Variants in SEC24D observed in about 807,000 individuals in gnomAD.
SEC24D encodes SEC24 homolog D, COPII component.
In SEC24D, 69 loss-of-function variants were observed where a neutral mutation model predicts 116.9. The ratio of observed to expected loss-of-function variants is 0.59; its 90% CI spans 0.49 to 0.72. The LOEUF (loss-of-function observed/expected upper bound fraction) is 0.72. SEC24D is among the 30% of genes least tolerant of loss of function. The pLI, the probability that SEC24D is intolerant of heterozygous loss-of-function variation, is 0.00. For synonymous variants in SEC24D, 405 were observed against 442.8 expected (o/e 0.91, Z 1.07); for missense variants, 1,131 against 1,264.1 (o/e 0.89, Z 1.60).
chr4:118,811,351 G>A (rs1051463773), intron 6 of SEC24D, among the ~76,000 whole-genome samples: 1 of 152,242 alleles, frequency 6.6e-6, no homozygotes. Context: ...TCAAAGAAGT[G>A]CAGATGATGC....
chr4:118,751,176 C>CTTTTGTTTTTTTTTTTT (rs1726808711), intron 13 of SEC24D, among the ~76,000 whole-genome samples: 1 of 100,326 alleles, frequency 1.0e-5, no homozygotes, highest in Non-Finnish European at 2.0e-5. Context: ...AGAGTGAGGG[C>CTTTTGTTTTTTTTTTTT]TTTTTTTTTT....
At chr4:118,735,083 AGTTCAGAAAT>A (rs1350505572) in intron 19 of SEC24D, among the ~76,000 whole-genome samples, 2 of 152,186 alleles carry the variant, frequency 1.3e-5, no homozygotes, top group African/African-American at 4.8e-5. Flanking sequence ...TCATATTAAG[AGTTCAGAAAT>A]CTGTGATCCT....
chr4:118,790,984 A>ACAGTATT (rs1258230049), intron 8 of SEC24D, among the ~76,000 whole-genome samples: 1 of 151,672 alleles, frequency 6.6e-6, no homozygotes, highest in Middle Eastern at 3.4e-3. Context: ...ACATAGAATA[A>ACAGTATT]CAGTATTCAA....
chr4:118,745,364 G>A (rs924607081), intron 13 of SEC24D, among the ~76,000 whole-genome samples: 7 of 152,288 alleles, frequency 4.6e-5, no homozygotes, highest in African/African-American at 9.6e-5. Flanking sequence ...GTGTTACGAC[G>A]AAATACTTTC....
intron 22 of SEC24D, among the ~76,000 whole-genome samples, 180 bp downstream of exon 22, chr4:118,728,381 G>T (rs1022514915): frequency 6.6e-6 from 1 of 152,124 alleles, no homozygotes; most frequent in East Asian, 1.9e-4. Context: ...TTTGTGACTG[G>T]TAAGTAGGTA....
intron 8 of SEC24D, among the ~76,000 whole-genome samples, chr4:118,793,466 C>CAAAAAAA (rs70944815): frequency 2.9e-5 from 2 of 69,290 alleles, no homozygotes; most frequent in African/African-American, 6.2e-5. Context: ...GACTCCGTCT[C>CAAAAAAA]AAAAAAAAAA....
At chr4:118,756,625 T>C (rs1727111768) in intron 11 of SEC24D, among the ~76,000 whole-genome samples, 1 of 152,018 alleles carries the variant, frequency 6.6e-6, no homozygotes, top group African/African-American at 2.4e-5. Flanking sequence ...AAACATCCTT[T>C]TCCAGAACAA....
chr4:118,828,464 G>A (rs749061598), intron 2 of SEC24D, among the ~76,000 whole-genome samples: 1 of 152,122 alleles, frequency 6.6e-6, no homozygotes, highest in Non-Finnish European at 1.5e-5. Flanking sequence ...AAGCAAGGGC[G>A]ATTTTGCCCC....
intron 2 of SEC24D, chr4:118,825,374 G>C (rs925122267): frequency 8.8e-6 from 3 of 340,370 alleles, no homozygotes; most frequent in African/African-American, 6.4e-5. Context: ...GGGACCACAT[G>C]CAGTTAACGG....
intron 5 of SEC24D, 90 bp downstream of exon 5, chr4:118,815,361 G>A (rs181849329): frequency 2.3e-4 from 339 of 1,483,182 alleles, no homozygotes; most frequent in Admixed American, 3.3e-4. Flanking sequence ...GTAAGTGACA[G>A]ATACCTAGTA....
At chr4:118,779,725 T>A (rs1223011806) in intron 8 of SEC24D, among the ~76,000 whole-genome samples, 2 of 152,226 alleles carry the variant, frequency 1.3e-5, no homozygotes, top group African/African-American at 4.8e-5. Context: ...TGTGAATCCA[T>A]CTGGTCCTGG....
chr4:118,764,691 TACCACC>T (rs1235776366), intron 10 of SEC24D, 105 bp downstream of exon 10: 9 of 633,722 alleles, frequency 1.4e-5, no homozygotes, highest in Non-Finnish European at 2.2e-5. Context: ...CACTCCATGG[TACCACC>T]AAAATGCTTT....
chr4:118,756,075 T>C (rs1289164414), intron 11 of SEC24D, among the ~76,000 whole-genome samples: 1 of 151,932 alleles, frequency 6.6e-6, no homozygotes, highest in African/African-American at 2.4e-5. Context: ...AGTAACTGTC[T>C]AGGATAATAG....
At chr4:118,776,326 T>C (rs1370986018) in intron 8 of SEC24D, among the ~76,000 whole-genome samples, 1 of 152,194 alleles carries the variant, frequency 6.6e-6, no homozygotes. Flanking sequence ...CAAGCACAGC[T>C]GTGACCTTTC....
chr4:118,752,676 T>C, intron 12 of SEC24D, 21 bp downstream of exon 12: 1 of 1,547,628 alleles, frequency 6.5e-7, no homozygotes, highest in Non-Finnish European at 8.8e-7. Flanking sequence ...ACTTTTAAAT[T>C]ATAAAACACT....
chr4:118,785,533 A>G (rs1728631054), intron 8 of SEC24D, among the ~76,000 whole-genome samples: 1 of 152,230 alleles, frequency 6.6e-6, no homozygotes, highest in Non-Finnish European at 1.5e-5. Flanking sequence ...AAGTGACTAA[A>G]AGGACAGAAT....
At chr4:118,817,216 T>C in intron 4 of SEC24D, 48 bp downstream of exon 4, 1 of 1,473,576 alleles carries the variant, frequency 6.8e-7, no homozygotes, top group Non-Finnish European at 9.1e-7. Context: ...TCATTAAAAA[T>C]GACCAGGACA....
At chr4:118,746,231 G>GGGAGGGAGGGAGAGAGGGAA (rs1726524253) in intron 13 of SEC24D, among the ~76,000 whole-genome samples, 3 of 114,486 alleles carry the variant, frequency 2.6e-5, no homozygotes, top group Admixed American at 9.9e-5. Flanking sequence ...GGTTGGGGGA[G>GGGAGGGAGGGAGAGAGGGAA]GGAGGGAGGG....
Position 118,745,080 on chromosome 4 carries a change from CA to C in SEC24D, c.1708-21del. 2.5e-6 allele frequency: 3 copies of C among 1,196,000 alleles called. No individual in the cohort carries two copies. The highest frequency in any genetic ancestry group is 3.6e-6 in the Non-Finnish European group (3 of 828,084). The allele number at this position is 1,196,000 out of a possible 1,614,324, so 74.1% of individuals were successfully genotyped here. On this transcript the variant is annotated intron_variant, in intron 13 of 22. Coordinates refer to ENST00000280551, the MANE Select transcript of SEC24D (RefSeq NM_014822.4). Reference sequence around the variant, plus strand: ...TGCTGCCTAAAAAAAAAAAAAAACCCAAAAACCCACAGAAAATGCCGTGAGT... The same window carrying C: ...TGCTGCCTAAAAAAAAAAAAAAACCCAAAACCCACAGAAAATGCCGTGAGT...
Sources: gnomAD v4.1 joint callset for allele counts (sites outside exome capture counted in the v4.1 genomes callset) on GRCh38, gnomAD v4.1.1 for gene constraint, MANE v1.5 for transcripts, NCBI Gene and HGNC (gene_info 2026-07-23, HGNC 2026-07-21) for gene names.